Variants in KPNA1 observed in about 807,000 individuals in gnomAD.
KPNA1 encodes the protein karyopherin subunit alpha 1.
In KPNA1, 10 loss-of-function variants were observed where a neutral mutation model predicts 70.5. The observed-to-expected ratio is 0.14, with a 90% CI of 0.09 to 0.24. The LOEUF (loss-of-function observed/expected upper bound fraction) is 0.24, where lower values mean the gene tolerates loss of function less well. Among genes scored for constraint, KPNA1 ranks in the 10% least tolerant of loss-of-function variants. The pLI is 1.00. For missense variants in KPNA1, 397 were observed against 637.9 expected (o/e 0.62, Z 4.07); for synonymous variants, 192 against 221.9 (o/e 0.87, Z 1.20).
At chr3:122,482,883 G>C (rs2076587206) in intron 2 of KPNA1, 1 of 152,306 alleles carries the variant, frequency 6.6e-6, no homozygotes, top group East Asian at 1.9e-4. Flanking sequence ...GTAGAGACTG[G>C]GGAGGACGGG....
intron 13 of KPNA1, 106 bp downstream of exon 13, chr3:122,427,432 T>A (rs1455616512): frequency 6.4e-5 from 73 of 1,145,250 alleles, no homozygotes; most frequent in Non-Finnish European, 8.6e-5. Context: ...TTCCTAACAG[T>A]CCTCTTTTCA....
chr3:122,443,007 C>T (rs1215914719), intron 9 of KPNA1: 3 of 152,340 alleles, frequency 2.0e-5, no homozygotes, highest in African/African-American at 7.2e-5. Flanking sequence ...GGCGTCGCCT[C>T]ACCCAGGAAG....
At chr3:122,431,938 G>T (rs2075915785) in intron 12 of KPNA1, among the ~76,000 whole-genome samples, 1 of 151,848 alleles carries the variant, frequency 6.6e-6, no homozygotes, top group Non-Finnish European at 1.5e-5. Flanking sequence ...CAAGTAGCTG[G>T]GATTACGGGT....
intron 2 of KPNA1, among the ~76,000 whole-genome samples, chr3:122,469,955 T>C (rs1403288878): frequency 6.6e-6 from 1 of 152,224 alleles, no homozygotes; most frequent in African/African-American, 2.4e-5. Flanking sequence ...TAAAGATTTT[T>C]TTCAGAATAC....
intron 1 of KPNA1, among the ~76,000 whole-genome samples, chr3:122,508,624 C>T (rs13316042): frequency 0.61 from 92,087 of 151,952 alleles, 28,230 homozygotes; most frequent in East Asian, 0.77. Context: ...CAGCCAGACA[C>T]ACATTCTCCT....
intron 2 of KPNA1, among the ~76,000 whole-genome samples, chr3:122,471,770 G>A (rs1376293153): frequency 2.0e-5 from 3 of 151,930 alleles, no homozygotes; most frequent in Admixed American, 1.3e-4. Context: ...ACTCCAGCCT[G>A]GGCCACAGGG....
intron 12 of KPNA1, chr3:122,432,527 T>C (rs1448369503): frequency 6.6e-6 from 1 of 152,214 alleles, no homozygotes; most frequent in Non-Finnish European, 1.5e-5. Flanking sequence ...ACAATGTAAG[T>C]AGTAGCTATG....
At chr3:122,495,604 C>T (rs1320389876) in intron 2 of KPNA1, among the ~76,000 whole-genome samples, 4 of 151,704 alleles carry the variant, frequency 2.6e-5, no homozygotes, top group East Asian at 1.9e-4. Flanking sequence ...TTCACTATAA[C>T]TGCAAAATAT....
At chr3:122,429,243 G>A (rs1276152173) in intron 12 of KPNA1, among the ~76,000 whole-genome samples, 1 of 152,044 alleles carries the variant, frequency 6.6e-6, no homozygotes. Context: ...CTGAGGTCAG[G>A]AGTTCAAGAC....
In KPNA1 at chr3:122,451,641, C is replaced by T. The variant is rs768562337; in HGVS notation, c.654-8G>A. 1.3e-6 allele frequency: 2 copies of T among 1,563,974 alleles called. No homozygotes were observed. Among genetic ancestry groups the T allele is most frequent in the Admixed American group, 3.3e-5 (2 of 59,748 alleles). Reference sequence around the variant, plus strand: ...TTTTGCTTTGAAAATAACCTAAAAGCACGATGGTACAATGGTAAACTATGT... The same window carrying T: ...TTTTGCTTTGAAAATAACCTAAAAGTACGATGGTACAATGGTAAACTATGT... On this transcript the variant is annotated splice_region_variant and splice_polypyrimidine_tract_variant and intron_variant, in intron 7 of 13. Coordinates refer to ENST00000344337, the MANE Select transcript of KPNA1 (RefSeq NM_002264.4).
At chr3:122,504,711 C>A (rs1005049459) in intron 1 of KPNA1, among the ~76,000 whole-genome samples, 1 of 152,192 alleles carries the variant, frequency 6.6e-6, no homozygotes, top group Non-Finnish European at 1.5e-5. Flanking sequence ...AGGGGACAAC[C>A]AATCTCATTT....
In KPNA1 at chr3:122,427,216, A is replaced by G. The variant is rs756423256; in HGVS notation, c.1430-44T>C. 2.9e-6 allele frequency: 4 copies of G among 1,378,744 alleles called. No homozygotes were observed. The African/African-American group carries it at 5.8e-5, about 20-fold the overall frequency. 85.4% of individuals were successfully genotyped at this position (1,378,744 alleles called of 1,614,324 possible). ...GAAAATCTTTATTGAAAACTTCAAT[A>G]AATATTGGAAATTCCATAACTATAT... is the stretch of plus-strand genomic sequence containing the variant. On this transcript the variant is annotated intron_variant, in intron 13 of 13. Coordinates refer to ENST00000344337, the MANE Select transcript of KPNA1 (RefSeq NM_002264.4).
chr3:122,458,335 C>T (rs988497140), intron 5 of KPNA1, among the ~76,000 whole-genome samples: 1 of 152,162 alleles, frequency 6.6e-6, no homozygotes, highest in Non-Finnish European at 1.5e-5. Flanking sequence ...CTTGAGAATG[C>T]GCTTAGCTAA....
At chr3:122,475,813 GAAAAT>G (rs1172384442) in intron 2 of KPNA1, among the ~76,000 whole-genome samples, 4 of 152,086 alleles carry the variant, frequency 2.6e-5, no homozygotes, top group African/African-American at 9.7e-5. Flanking sequence ...CTACAGAAAA[GAAAAT>G]GTTATTTAGA....
Position 122,424,959 on chromosome 3 carries a change from T to G in KPNA1, c.*2026A>C, listed in dbSNP as rs2075802472. On this transcript the variant is annotated 3_prime_UTR_variant, in exon 14 of 14. Transcript: ENST00000344337. ...TAACCACCTAATTTATCCCTAAAAT[T>G]ACAAAGAATCAGTCTTTTACAGGTC... 2 of 152,678 alleles carry G rather than the reference T, an allele frequency of 1.3e-5. No individual in the cohort carries two copies. The highest frequency in any genetic ancestry group is 1.3e-4 in the Admixed American group (2 of 15,288). 9.5% of individuals were successfully genotyped at this position (152,678 alleles called of 1,614,324 possible).
chr3:122,503,093 AT>A (rs1559763483), intron 1 of KPNA1, among the ~76,000 whole-genome samples: 1 of 152,072 alleles, frequency 6.6e-6, no homozygotes, highest in Non-Finnish European at 1.5e-5. Flanking sequence ...AAAAAAAAAG[AT>A]TCGTTAAGTT....
intron 11 of KPNA1, among the ~76,000 whole-genome samples, chr3:122,435,953 C>G (rs1335128734): frequency 6.6e-6 from 1 of 152,152 alleles, no homozygotes; most frequent in African/African-American, 2.4e-5. Flanking sequence ...GGGAGATAAC[C>G]ATCAGGTCTG....
intron 5 of KPNA1, chr3:122,457,829 C>T (rs1478986571): frequency 7.8e-7 from 1 of 1,289,722 alleles, no homozygotes. Context: ...ACTCTGGTTC[C>T]TAGCAAATGC....
chr3:122,452,216 T>A (rs2076209476), intron 6 of KPNA1, 152 bp from the exon 7 acceptor site: 1 of 709,370 alleles, frequency 1.4e-6, no homozygotes, highest in Non-Finnish European at 2.5e-6. Context: ...TCCTAAAGTG[T>A]ACAACAAACA....
Sources: gnomAD v4.1 joint callset for allele counts (sites outside exome capture counted in the v4.1 genomes callset) on GRCh38, gnomAD v4.1.1 for gene constraint, MANE v1.5 for transcripts, NCBI Gene and HGNC (gene_info 2026-07-23, HGNC 2026-07-21) for gene names.